SATB2: variants seen among roughly 807,000 people sequenced by gnomAD.
SATB2 encodes SATB homeobox 2.
SATB2 carries 1 observed loss-of-function variant against 73.4 expected under a neutral mutation model. That is an observed-to-expected ratio of 0.01 (90% confidence interval 0.00 to 0.06). The LOEUF (loss-of-function observed/expected upper bound fraction) is 0.06. Ranked by LOEUF, SATB2 falls within the 10% of genes least tolerant of loss-of-function variation. The pLI is 1.00. For synonymous variants in SATB2, 397 were observed against 367.0 expected (o/e 1.08, Z -0.93); for missense variants, 459 against 945.8 (o/e 0.49, Z 6.75).
intron 6 of SATB2, among the ~76,000 whole-genome samples, chr2:199,356,906 G>A (rs1322745942): frequency 3.9e-5 from 6 of 152,152 alleles, no homozygotes; most frequent in African/African-American, 9.6e-5. Context: ...CATCATTATC[G>A]TTTAACTCTC....
intron 7 of SATB2, chr2:199,347,141 G>C (rs1466112652): frequency 6.6e-6 from 1 of 152,206 alleles, no homozygotes; most frequent in Non-Finnish European, 1.5e-5. Context: ...CAAAGTGCTA[G>C]GACTACAGAC....
intron 6 of SATB2, among the ~76,000 whole-genome samples, chr2:199,355,668 C>T (rs1688960970): frequency 6.6e-6 from 1 of 151,868 alleles, no homozygotes; most frequent in Non-Finnish European, 1.5e-5. Flanking sequence ...GGAAGAATTA[C>T]CTGTAAAGTG....
At chr2:199,299,728 G>A (rs756167268) in intron 10 of SATB2, among the ~76,000 whole-genome samples, 3 of 152,020 alleles carry the variant, frequency 2.0e-5, no homozygotes, top group Admixed American at 6.6e-5. Context: ...AAGTAAAAAC[G>A]CGAGAATAAA....
intron 3 of SATB2, among the ~76,000 whole-genome samples, chr2:199,386,468 C>T (rs922576048): frequency 3.3e-5 from 5 of 152,166 alleles, no homozygotes; most frequent in Admixed American, 3.3e-4. Flanking sequence ...GGATGCAGAC[C>T]ACACCAATCA....
chr2:199,349,158 C>T lies in SATB2; in HGVS notation c.716G>A (p.Arg239Gln), dbSNP rs889085038. 1.2e-6 allele frequency: 2 copies of T among 1,612,746 alleles called. No individual in the cohort carries two copies. Among genetic ancestry groups the T allele is most frequent in the Non-Finnish European group, 1.7e-6 (2 of 1,179,222 alleles). ...YKKIKVERVE[R>Q]ENLSDYCVLG... is the part of the protein sequence containing the mutation. ...AACACAATAGTCTGAAAGGTTTTCT[C>T]GTTCCACTCTTTCCACTGTTAAGAG... is the stretch of plus-strand genomic sequence containing the variant. The change falls in exon 7 of 11, where the codon CGA (arginine) becomes CAA (glutamine). Residue 239 changes from arginine to glutamine, a missense_variant. Around this residue, in one of 13 missense-constraint regions of SATB2, gnomAD observed 77 missense variants for 90.4 expected, o/e 0.85. Transcript: ENST00000417098.
chr2:199,330,942 C>G (rs981891509), intron 7 of SATB2, among the ~76,000 whole-genome samples: 2 of 152,016 alleles, frequency 1.3e-5, no homozygotes, highest in African/African-American at 4.8e-5. Context: ...TTTCAAATTA[C>G]TAAAACTTGA....
intron 10 of SATB2, among the ~76,000 whole-genome samples, chr2:199,292,735 A>G (rs1483030610): frequency 6.6e-6 from 1 of 152,224 alleles, no homozygotes; most frequent in African/African-American, 2.4e-5. Context: ...GCCACTCAGC[A>G]TCTGGAAAGC....
upstream of SATB2, among the ~76,000 whole-genome samples, chr2:199,460,875 T>G (rs1194893693): frequency 6.6e-6 from 1 of 152,258 alleles, no homozygotes; most frequent in East Asian, 1.9e-4. This position sits in a 1 kb window ranked among gnomAD's most constrained non-coding sequence, Gnocchi z 4.0. Context: ...GAAGGACTAT[T>G]TAAATGAAAT....
At chr2:199,373,067 C>G (rs1689495988) in intron 5 of SATB2, among the ~76,000 whole-genome samples, 1 of 152,048 alleles carries the variant, frequency 6.6e-6, no homozygotes, top group African/African-American at 2.4e-5. Context: ...AGTAGCTAAG[C>G]TGAAAACACA....
chr2:199,388,146 A>G (rs1559023054), intron 3 of SATB2, among the ~76,000 whole-genome samples: 1 of 152,230 alleles, frequency 6.6e-6, no homozygotes, highest in Non-Finnish European at 1.5e-5. Flanking sequence ...ATAAAATGTG[A>G]TAATACATTA....
chr2:199,329,456 A>T (rs1295097132), intron 7 of SATB2: 1 of 159,966 alleles, frequency 6.3e-6, no homozygotes, highest in Non-Finnish European at 1.4e-5. Flanking sequence ...GACGCAAAGC[A>T]AATGGCTAAA....
intron 3 of SATB2, among the ~76,000 whole-genome samples, chr2:199,418,189 A>G (rs1349164760): frequency 1.3e-5 from 2 of 152,322 alleles, no homozygotes; most frequent in Admixed American, 1.3e-4. Context: ...TATAATTACT[A>G]CCCTGATTTC....
At chr2:199,400,970 T>G (rs1352356087) in intron 3 of SATB2, among the ~76,000 whole-genome samples, 1 of 151,980 alleles carries the variant, frequency 6.6e-6, no homozygotes, top group Non-Finnish European at 1.5e-5. Context: ...CAAAAGGAGG[T>G]CCAGGGATGT....
At chr2:199,326,721 C>T in intron 8 of SATB2, among the ~76,000 whole-genome samples, 1 of 152,034 alleles carries the variant, frequency 6.6e-6, no homozygotes, top group South Asian at 2.1e-4. Context: ...TATTAGTGCA[C>T]ATTAACAACT....
At chr2:199,373,804 A>C (rs1375448456) in intron 5 of SATB2, among the ~76,000 whole-genome samples, 1 of 152,224 alleles carries the variant, frequency 6.6e-6, no homozygotes, top group Non-Finnish European at 1.5e-5. Context: ...GTTGGGACAC[A>C]AACTAAAATA....
intron 3 of SATB2, among the ~76,000 whole-genome samples, chr2:199,404,471 AT>A (rs1255957042): frequency 6.6e-6 from 1 of 152,244 alleles, no homozygotes; most frequent in Non-Finnish European, 1.5e-5. Flanking sequence ...AATACAAGAT[AT>A]AAAATGGCAC....
chr2:199,401,830 C>T lies in SATB2; in HGVS notation c.347-20010G>A, dbSNP rs191984424. On this transcript the variant is annotated intron_variant, in intron 3 of 10. Coordinates refer to ENST00000417098, the MANE Select transcript of SATB2 (RefSeq NM_001172509.2). Reference sequence around the variant, plus strand: ...GATTAGGAAGAGCTTTGCAGATCACCGCAAGTATTTGTATTTCACTCTAAA... The same window carrying T: ...GATTAGGAAGAGCTTTGCAGATCACTGCAAGTATTTGTATTTCACTCTAAA... Among the ~76,000 whole-genome samples, 203 of 152,092 alleles carry T rather than the reference C, an allele frequency of 1.3e-3. 3 individuals are homozygous for T. The highest frequency in any genetic ancestry group is 3.1e-3 in the South Asian group (15 of 4,794).
chr2:199,404,505 T>C (rs1049295182), intron 3 of SATB2, among the ~76,000 whole-genome samples: 2 of 152,076 alleles, frequency 1.3e-5, no homozygotes, highest in East Asian at 1.9e-4. Flanking sequence ...AGTGCAACCA[T>C]GCAAAAAAAA....
Position 199,455,954 on chromosome 2 carries a change from TG to T in SATB2, c.83del (p.Pro28GlnfsTer2), listed in dbSNP as rs886041685. The T allele has an allele frequency of 6.5e-7, 1 of 1,538,518 alleles. No individual in the cohort carries two copies. ...TCTGCTCCAGCCGGGCCACCTTCACTGGGGGAGGCCCCTTGACGTCCGGGCT... is the reference window on the plus strand; with the variant it reads ...TCTGCTCCAGCCGGGCCACCTTCACTGGGGAGGCCCCTTGACGTCCGGGCT... Reference protein sequence around the residue: ...SGSPDVKGPPPVKVARLEQNG... With the variant: ...SGSPDVKGPPXVKVARLEQNG... On this transcript the variant is annotated frameshift_variant, in exon 2 of 11. Transcript: ENST00000417098. LOFTEE classifies it high-confidence loss of function. This position sits in a 1 kb window ranked among gnomAD's most constrained non-coding sequence, Gnocchi z 4.1.
Sources: gnomAD v4.1 joint callset for allele counts (sites outside exome capture counted in the v4.1 genomes callset) on GRCh38, gnomAD v4.1.1 for gene constraint, gnomAD v4.1.1 regional missense constraint, Gnocchi (gnomAD v3.1) non-coding constraint, MANE v1.5 for transcripts, NCBI Gene and HGNC (gene_info 2026-07-23, HGNC 2026-07-21) for gene names.